Variants in RGPD2 observed in about 807,000 individuals in gnomAD.
RGPD2 encodes RANBP2 like and GRIP domain containing 2.
Under a neutral mutation model 36.0 loss-of-function variants are expected in RGPD2, and 2 were observed. The observed-to-expected ratio is 0.06, with a 90% CI of 0.02 to 0.17. The LOEUF is 0.17. RGPD2 is among the 10% of genes least tolerant of loss of function. The pLI, the probability that RGPD2 is intolerant of heterozygous loss-of-function variation, is 1.00. For missense variants in RGPD2, 40 were observed against 464.3 expected (o/e 0.09, Z 8.40); for synonymous variants, 19 against 163.8 (o/e 0.12, Z 6.75).
Position 87,824,706 on chromosome 2 carries a change from G to GAGGCCGAGGCCGCCGCCGCCGCCCGGCC in RGPD2, c.72+924_72+951dup, listed in dbSNP as rs1367204426. ...CTCTAAGTGTAAGAGAGGTGAGGCC[G>GAGGCCGAGGCCGCCGCCGCCGCCCGGCC]AGGCCGAGGCCGCCGCCGCCGCCCG... On this transcript the variant is annotated intron_variant, in intron 1 of 22. Transcript: ENST00000398146. Among the ~76,000 whole-genome samples, 170 of 135,050 alleles carry GAGGCCGAGGCCGCCGCCGCCGCCCGGCC rather than the reference G, an allele frequency of 1.3e-3. 1 individual carries two copies. The highest frequency in any genetic ancestry group is 2.1e-3 in the African/African-American group (82 of 39,160). 88.6% of individuals were successfully genotyped at this position (135,050 alleles called of 152,430 possible). A position where few individuals can be genotyped will look rare whatever the true frequency, so the allele number is the denominator to read the frequency against.
At chr2:87,887,072 T>G in the RGPD2 span, among the ~76,000 whole-genome samples, 6 of 151,864 alleles carry the variant, frequency 4.0e-5, no homozygotes, top group African/African-American at 1.4e-4. Context: ...TGCATATTCT[T>G]TAAGTGTCAG....
chr2:87,915,391 A>ATG, the RGPD2 span, among the ~76,000 whole-genome samples: 1 of 141,354 alleles, frequency 7.1e-6, no homozygotes. Flanking sequence ...TATTGTATAT[A>ATG]TATGTATATT....
At chr2:87,948,459 G>A in the RGPD2 span, among the ~76,000 whole-genome samples, 2,292 of 150,622 alleles carry the variant, frequency 0.015, 61 homozygotes, top group African/African-American at 0.053. Flanking sequence ...TCGGCTCACC[G>A]CAAACTCCGC....
At chr2:87,875,438 CT>C in the RGPD2 span, among the ~76,000 whole-genome samples, 6 of 152,378 alleles carry the variant, frequency 3.9e-5, no homozygotes, top group East Asian at 9.6e-4. Context: ...TATCAAAAGC[CT>C]TTTCTGCATT....
chr2:87,935,443 T>G, the RGPD2 span, among the ~76,000 whole-genome samples: 113 of 147,622 alleles, frequency 7.7e-4, no homozygotes, highest in Middle Eastern at 3.4e-3. Flanking sequence ...TGAACTTCAT[T>G]GCTGCAGTGG....
intron 6 of RGPD2, among the ~76,000 whole-genome samples, chr2:87,807,328 A>G (rs1685989123): frequency 6.9e-6 from 1 of 145,666 alleles, no homozygotes; most frequent in Admixed American, 6.7e-5. Context: ...GTATTTGAGT[A>G]TCAATACAGC....
At chr2:87,984,415 T>C in the RGPD2 span, among the ~76,000 whole-genome samples, 1 of 151,618 alleles carries the variant, frequency 6.6e-6, no homozygotes, top group African/African-American at 2.4e-5. Flanking sequence ...GGTACAATTA[T>C]TAGCTATTGG....
At chr2:87,852,652 T>C in the RGPD2 span, among the ~76,000 whole-genome samples, 2 of 152,276 alleles carry the variant, frequency 1.3e-5, no homozygotes, top group African/African-American at 4.8e-5. Context: ...TGATTGTGTA[T>C]ACTAAACATG....
At chr2:87,975,062 T>TTATGTGACCC in the RGPD2 span, among the ~76,000 whole-genome samples, 1 of 152,150 alleles carries the variant, frequency 6.6e-6, no homozygotes, top group Non-Finnish European at 1.5e-5. Flanking sequence ...CTCTTATTAT[T>TTATGTGACCC]CTCTGGCCAC....
the RGPD2 span, among the ~76,000 whole-genome samples, chr2:87,915,315 TGTATATTATATATATTGTATATATA>T: frequency 1.5e-3 from 199 of 130,114 alleles, 12 homozygotes; most frequent in African/African-American, 4.6e-3. Context: ...TGTATATATA[TGTATATTATATATATTGTATATATA>T]ATGTATATTA....
the RGPD2 span, among the ~76,000 whole-genome samples, chr2:87,842,968 C>T: frequency 6.7e-6 from 1 of 149,424 alleles, no homozygotes; most frequent in African/African-American, 2.5e-5. Flanking sequence ...GGAAAGGATT[C>T]CCTATTTAAT....
chr2:87,927,460 C>T, the RGPD2 span, among the ~76,000 whole-genome samples: 1 of 146,246 alleles, frequency 6.8e-6, no homozygotes, highest in African/African-American at 2.6e-5. Flanking sequence ...GTAGCTGCTC[C>T]ATTTAAATAA....
At chr2:87,858,148 C>CAT in the RGPD2 span, among the ~76,000 whole-genome samples, 1 of 152,036 alleles carries the variant, frequency 6.6e-6, no homozygotes, top group Non-Finnish European at 1.5e-5. Context: ...CATGGTGGTG[C>CAT]GTGCCTGTAA....
At chr2:87,961,111 G>A in the RGPD2 span, among the ~76,000 whole-genome samples, 1 of 151,816 alleles carries the variant, frequency 6.6e-6, no homozygotes, top group African/African-American at 2.4e-5. Flanking sequence ...TTTACAACCT[G>A]AGTTAATACC....
chr2:87,919,107 T>C, the RGPD2 span, among the ~76,000 whole-genome samples: 7 of 151,030 alleles, frequency 4.6e-5, no homozygotes, highest in African/African-American at 1.7e-4. Context: ...CCTCCAGTAT[T>C]CAAAAGCATC....
the RGPD2 span, among the ~76,000 whole-genome samples, chr2:87,903,394 A>G: frequency 3.9e-5 from 6 of 152,240 alleles, no homozygotes; most frequent in Non-Finnish European, 5.9e-5. Context: ...GTCTCACGCT[A>G]AATTAGATTA....
At chr2:87,864,624 ACATAGAT>A in the RGPD2 span, among the ~76,000 whole-genome samples, 1,038 of 15,300 alleles carry the variant, frequency 0.068, no homozygotes, top group East Asian at 0.21. Context: ...ATAGATAGAT[ACATAGAT>A]GATAGATAGT....
the RGPD2 span, among the ~76,000 whole-genome samples, chr2:87,869,867 T>C: frequency 6.6e-6 from 1 of 152,242 alleles, no homozygotes; most frequent in Non-Finnish European, 1.5e-5. Flanking sequence ...AGTAGATCAT[T>C]CCCGTCTTCT....
At chr2:87,776,481 C>CA (rs1685266838) in intron 20 of RGPD2, among the ~76,000 whole-genome samples, 1 of 150,210 alleles carries the variant, frequency 6.7e-6, no homozygotes, top group Admixed American at 6.8e-5. Context: ...TGGAGCAGCC[C>CA]AAAAAAGCAT....
Sources: allele counts gnomAD v4.1 joint callset (sites outside exome capture counted in the v4.1 genomes callset), GRCh38; gene constraint gnomAD v4.1.1; transcripts MANE v1.5; gene names NCBI Gene and HGNC (gene_info 2026-07-23, HGNC 2026-07-21).